Variants in DUSP16 observed in about 807,000 individuals in gnomAD.
DUSP16 encodes dual specificity protein phosphatase 16.
A neutral mutation model predicts 58.3 loss-of-function variants in DUSP16; 21 were observed. The ratio of observed to expected loss-of-function variants is 0.36; its 90% confidence interval spans 0.26 to 0.52. The LOEUF (loss-of-function observed/expected upper bound fraction) is 0.52. Ranked by LOEUF, DUSP16 falls within the 20% of genes least tolerant of loss-of-function variation. The pLI is 0.94. For missense variants in DUSP16, 726 were observed against 819.0 expected, an observed-to-expected ratio of 0.89 and a Z score of 1.39; for synonymous variants, 320 against 323.8, an observed-to-expected ratio of 0.99 and a Z score of 0.12.
At chr12:12,506,730 C>T (rs1480658368) in intron 3 of DUSP16, among the ~76,000 whole-genome samples, 1 of 152,236 alleles carries the variant, frequency 6.6e-6, no homozygotes. Flanking sequence ...CAGGGATGGG[C>T]AGTCCCTGCA....
intron 3 of DUSP16, among the ~76,000 whole-genome samples, chr12:12,510,255 G>A (rs1001512401): frequency 6.6e-6 from 1 of 152,178 alleles, no homozygotes; most frequent in East Asian, 1.9e-4. Context: ...TCATCAAAAT[G>A]GATAATGAAA....
intron 1 of DUSP16, among the ~76,000 whole-genome samples, chr12:12,536,997 C>G (rs1302993625): frequency 6.6e-6 from 1 of 151,748 alleles, no homozygotes; most frequent in Admixed American, 6.6e-5. Flanking sequence ...CAAGATCACG[C>G]CACTGCACTC....
chr12:12,534,800 A>G (rs1487012319), intron 1 of DUSP16, among the ~76,000 whole-genome samples: 2 of 152,098 alleles, frequency 1.3e-5, no homozygotes, highest in Non-Finnish European at 2.9e-5. Context: ...AAAATCTTTG[A>G]TTTGTTACTC....
At position 12,536,551 on chromosome 12, in the gene DUSP16, C is replaced by T. The variant is rs970121769; in HGVS notation, c.-365-15088G>A. Among the ~76,000 whole-genome samples, 12 of 152,120 alleles carry T rather than the reference C, an allele frequency of 7.9e-5. No homozygotes were observed. In the South Asian group the frequency reaches 1.9e-3, roughly 24 times the overall value. On this transcript the variant is annotated intron_variant, in intron 1 of 6. Transcript: ENST00000298573. ...CCTGAAGTTAGGAGTTCAAGACCAG[C>T]CTGGCCAACATGGTGAGACCCTGTC...
At chr12:12,540,697 T>C (rs955492550) in intron 1 of DUSP16, among the ~76,000 whole-genome samples, 3 of 152,090 alleles carry the variant, frequency 2.0e-5, no homozygotes, top group Non-Finnish European at 2.9e-5. Context: ...ACCTATGTAT[T>C]TATTCTGGAC....
chr12:12,556,267 A>G (rs1467881016), intron 1 of DUSP16, among the ~76,000 whole-genome samples: 2 of 152,170 alleles, frequency 1.3e-5, no homozygotes, highest in East Asian at 3.8e-4. Flanking sequence ...TTCACCTATA[A>G]AAAAGTTTTG....
chr12:12,519,804 G>T, intron 3 of DUSP16, 58 bp downstream of exon 3: 3 of 1,578,832 alleles, frequency 1.9e-6, no homozygotes, highest in Non-Finnish European at 2.6e-6. Flanking sequence ...AGTGAAATAT[G>T]CTTACTCATA....
rs1565965583 is a variant in DUSP16 at position 12,477,100 on chromosome 12, G to A, written c.1731C>T (p.Ala577=). 3 of 1,614,246 alleles carry A rather than the reference G, an allele frequency of 1.9e-6. No homozygotes were observed. The highest frequency in any genetic ancestry group is 2.5e-6 in the Non-Finnish European group (3 of 1,180,040). ...GGCTGCAGCTGTAGGCAGAGTAACT[G>A]GCACTGCCTCCGTAGATGGCTGAGG... ...YSASAIYGGS[A]SYSAYSCSQL... is the part of the protein sequence containing the mutation. The change falls in exon 7 of 7, where the codon GCC becomes GCT. Residue 577 remains alanine, a synonymous_variant. Transcript: ENST00000298573. This position sits in a 1 kb window ranked among gnomAD's most constrained non-coding sequence, Gnocchi z 4.1.
intron 1 of DUSP16, among the ~76,000 whole-genome samples, chr12:12,529,118 T>G (rs1349420735): frequency 6.6e-6 from 1 of 152,230 alleles, no homozygotes; most frequent in Admixed American, 6.5e-5. Flanking sequence ...CTTTTGTTTT[T>G]GTTGTTTTTT....
At chr12:12,553,209 G>A (rs1944758268) in intron 1 of DUSP16, among the ~76,000 whole-genome samples, 1 of 152,136 alleles carries the variant, frequency 6.6e-6, no homozygotes, top group Admixed American at 6.6e-5. Flanking sequence ...ATTTTTAAGA[G>A]TATAAATGTG....
chr12:12,539,450 C>G (rs2136249736), intron 1 of DUSP16, among the ~76,000 whole-genome samples: 1 of 152,254 alleles, frequency 6.6e-6, no homozygotes, highest in South Asian at 2.1e-4. Context: ...TCTTAAAAAT[C>G]TACAAATGTT....
chr12:12,488,697 T>C (rs1943719094), intron 4 of DUSP16, among the ~76,000 whole-genome samples: 3 of 152,256 alleles, frequency 2.0e-5, no homozygotes, highest in African/African-American at 7.2e-5. Context: ...GGCAATTTTC[T>C]TCCTATATTA....
chr12:12,556,233 C>T (rs1397547740), intron 1 of DUSP16, among the ~76,000 whole-genome samples: 1 of 152,032 alleles, frequency 6.6e-6, no homozygotes, highest in Non-Finnish European at 1.5e-5. Flanking sequence ...AATATCAACA[C>T]TTTTTAAAAT....
At chr12:12,555,123 C>T (rs1053379831) in intron 1 of DUSP16, among the ~76,000 whole-genome samples, 1 of 152,202 alleles carries the variant, frequency 6.6e-6, no homozygotes, top group Admixed American at 6.5e-5. Context: ...GCACACAGCT[C>T]AGCTGCTCGG....
chr12:12,499,166 A>G (rs572503383), intron 4 of DUSP16, among the ~76,000 whole-genome samples: 2 of 152,368 alleles, frequency 1.3e-5, no homozygotes, highest in South Asian at 4.1e-4. Flanking sequence ...ATGGCTGGTT[A>G]AGGTTTACCA....
In DUSP16 at chr12:12,521,372, C is replaced by A. The variant is rs916998872; in HGVS notation, c.-274G>T. 1.3e-5 allele frequency: 17 copies of A among 1,322,922 alleles called. No homozygotes were observed. The highest frequency in any genetic ancestry group is 1.5e-5 in the African/African-American group (1 of 67,430). 81.9% of individuals were successfully genotyped at this position (1,322,922 alleles called of 1,614,324 possible). A position where few individuals can be genotyped will look rare whatever the true frequency, so the allele number is the denominator to read the frequency against. ...TAAAGAGATGACTGGAATAACCATT[C>A]CACAACAAAAGATGCTTTGGAGCAG... On this transcript the variant is annotated 5_prime_UTR_variant, in exon 2 of 7. Coordinates refer to ENST00000298573, the MANE Select transcript of DUSP16 (RefSeq NM_030640.3).
At chr12:12,540,949 CTTTTT>C (rs1191975095) in intron 1 of DUSP16, among the ~76,000 whole-genome samples, 3 of 43,806 alleles carry the variant, frequency 6.8e-5, no homozygotes, top group South Asian at 7.8e-4. Flanking sequence ...CTTTTCTTTT[CTTTTT>C]TTTTTTTTTT....
intron 5 of DUSP16, among the ~76,000 whole-genome samples, chr12:12,485,146 A>T (rs1943656890): frequency 6.6e-6 from 1 of 151,846 alleles, no homozygotes; most frequent in South Asian, 2.1e-4. Flanking sequence ...AGTAGCTGGG[A>T]CTACAGGCAT....
Position 12,518,236 on chromosome 12 carries a change from T to C in DUSP16, c.367+1626A>G, listed in dbSNP as rs139274471. Among the ~76,000 whole-genome samples, 689 of 152,182 alleles carry C rather than the reference T, an allele frequency of 4.5e-3. 5 individuals are homozygous for C. Among genetic ancestry groups the C allele is most frequent in the African/African-American group, 0.015 (634 of 41,522 alleles). ...TTGCTTCTTTAAGAAAGACTCTGGCTGGGTGTGGTGGCTCATGCCTGTAAT... is the reference window on the plus strand; with the variant it reads ...TTGCTTCTTTAAGAAAGACTCTGGCCGGGTGTGGTGGCTCATGCCTGTAAT... On this transcript the variant is annotated intron_variant, in intron 3 of 6. Coordinates refer to ENST00000298573, the MANE Select transcript of DUSP16 (RefSeq NM_030640.3).
Sources: gnomAD v4.1 joint callset for allele counts (sites outside exome capture counted in the v4.1 genomes callset) on GRCh38, gnomAD v4.1.1 for gene constraint, Gnocchi (gnomAD v3.1) non-coding constraint, MANE v1.5 for transcripts, NCBI Gene and HGNC (gene_info 2026-07-23, HGNC 2026-07-21) for gene names.